SLC30A10: variants seen among roughly 807,000 people sequenced by gnomAD.
SLC30A10 encodes the protein solute carrier family 30 member 10.
In SLC30A10, 8 loss-of-function variants were observed where a neutral mutation model predicts 21.7. The observed-to-expected ratio is 0.37, with a 90% CI of 0.22 to 0.67. SLC30A10 has a LOEUF of 0.67. Ranked by LOEUF, SLC30A10 falls within the 30% of genes least tolerant of loss-of-function variation. The pLI is 0.58. For missense variants in SLC30A10, 521 were observed against 642.5 expected (o/e 0.81, Z 2.04); for synonymous variants, 272 against 279.4 (o/e 0.97, Z 0.26).
At chr1:219,933,201 T>A (rs1221740959), upstream of SLC30A10, among the ~76,000 whole-genome samples, 2 of 152,056 alleles carry the variant, frequency 1.3e-5, no homozygotes, top group Non-Finnish European at 2.9e-5. Context: ...CCCATCAGCC[T>A]GCAGTGTCCT....
At chr1:219,930,338 G>A (rs1230099772), upstream of SLC30A10, among the ~76,000 whole-genome samples, 1 of 152,076 alleles carries the variant, frequency 6.6e-6, no homozygotes, top group Non-Finnish European at 1.5e-5. Context: ...AATTAGCCAG[G>A]CGTGTGTGCC....
At chr1:219,941,485 C>T (rs1025112067) in intron 1 of SLC30A10, among the ~76,000 whole-genome samples, 1 of 150,330 alleles carries the variant, frequency 6.7e-6, no homozygotes, top group African/African-American at 2.5e-5. Context: ...CCTTCCTTCC[C>T]TTCCTTCCTT....
rs987317985 is a variant in SLC30A10, at chr1:219,910,908, T to G, written c.*4541A>C. On this transcript the variant is annotated 3_prime_UTR_variant, in exon 4 of 4. Transcript: ENST00000366926. ...CTGCATTATCTAAACTCCAGATGGG[T>G]AAGAACATGCAGATTACATTGAGGA... is the stretch of plus-strand genomic sequence containing the variant. Among the ~76,000 whole-genome samples the G allele has an allele frequency of 2.6e-5, 4 of 152,150 alleles. No individual in the cohort carries two copies. Among genetic ancestry groups the G allele is most frequent in the Non-Finnish European group, 5.9e-5 (4 of 68,028 alleles).
At chr1:219,943,976 T>G (rs1660151527) in intron 1 of SLC30A10, among the ~76,000 whole-genome samples, 1 of 151,080 alleles carries the variant, frequency 6.6e-6, no homozygotes, top group Admixed American at 6.6e-5. Flanking sequence ...GGTGGGCACC[T>G]GTAGTCCCAG....
At chr1:219,927,145 TACAA>T (rs1659844659) in intron 1 of SLC30A10, 40 bp from the exon 2 acceptor site, 6 of 1,605,688 alleles carry the variant, frequency 3.7e-6, no homozygotes, top group Non-Finnish European at 5.1e-6. Flanking sequence ...GTATAAGTTC[TACAA>T]ACAAACAAAA....
At chr1:219,929,522 A>G (rs568440453), upstream of SLC30A10, among the ~76,000 whole-genome samples, 2 of 134,772 alleles carry the variant, frequency 1.5e-5, no homozygotes, top group East Asian at 4.5e-4. Flanking sequence ...CCAAATAAAG[A>G]CTCTTTTTTT....
At chr1:219,948,394 G>A (rs373556632) in intron 1 of SLC30A10, among the ~76,000 whole-genome samples, 1 of 152,020 alleles carries the variant, frequency 6.6e-6, no homozygotes, top group African/African-American at 2.4e-5. Context: ...AAACAGCATG[G>A]TACTGGTACC....
intron 1 of SLC30A10, among the ~76,000 whole-genome samples, chr1:219,953,620 AAAAG>A (rs1435414772): frequency 2.0e-5 from 3 of 151,696 alleles, no homozygotes; most frequent in Non-Finnish European, 2.9e-5. Flanking sequence ...AAAGAAAAAG[AAAAG>A]AAAGAAAGAA....
intron 3 of SLC30A10, among the ~76,000 whole-genome samples, chr1:219,916,177 A>G (rs1659539530): frequency 6.6e-6 from 1 of 152,222 alleles, no homozygotes; most frequent in Non-Finnish European, 1.5e-5. Context: ...TCTAACAACG[A>G]CAAGAAAAAA....
intron 3 of SLC30A10, among the ~76,000 whole-genome samples, chr1:219,916,970 T>G (rs941921266): frequency 7.1e-6 from 1 of 141,314 alleles, no homozygotes; most frequent in African/African-American, 2.7e-5. Context: ...CTTGTGGGGT[T>G]TTTTTTTTTT....
intron 1 of SLC30A10, among the ~76,000 whole-genome samples, chr1:219,934,602 C>CT (rs1013923302): frequency 6.6e-6 from 1 of 152,062 alleles, no homozygotes; most frequent in Non-Finnish European, 1.5e-5. Flanking sequence ...AGGATGATGC[C>CT]TTTTTTTCTC....
upstream of SLC30A10, among the ~76,000 whole-genome samples, chr1:219,929,451 G>T (rs1453963597): frequency 3.9e-5 from 6 of 152,030 alleles, no homozygotes; most frequent in African/African-American, 1.4e-4. Flanking sequence ...TCACCCCCAC[G>T]TGTCCCTGAC....
At chr1:219,928,579 C>G, upstream of SLC30A10, 5 of 645,342 alleles carry the variant, frequency 7.7e-6, no homozygotes, top group Non-Finnish European at 9.5e-6. The surrounding 1 kb of genome is among the most constrained non-coding windows in gnomAD (Gnocchi z 6.3). Context: ...CCTGCCCCAC[C>G]GCTTTTTATA....
chr1:219,911,025 A>G lies in SLC30A10; in HGVS notation c.*4424T>C, dbSNP rs906688934. 5.9e-5 allele frequency among the ~76,000 whole-genome samples: 9 copies of G among 152,128 alleles called. No individual in the cohort carries two copies. The highest frequency in any genetic ancestry group is 2.2e-4 in the African/African-American group (9 of 41,438). On this transcript the variant is annotated 3_prime_UTR_variant, in exon 4 of 4. Coordinates refer to ENST00000366926, the MANE Select transcript of SLC30A10 (RefSeq NM_018713.3). Reference sequence around the variant, plus strand: ...TGGCTACTCAAGGGTAAATAAACTAAGAAGCACAAATACGTGACACTTTAT... The same window carrying G: ...TGGCTACTCAAGGGTAAATAAACTAGGAAGCACAAATACGTGACACTTTAT...
chr1:219,921,872 A>T (rs984262193), intron 2 of SLC30A10, among the ~76,000 whole-genome samples: 4 of 139,510 alleles, frequency 2.9e-5, no homozygotes, highest in African/African-American at 8.4e-5. Flanking sequence ...GGTGTCTCTG[A>T]GTGTGTGTGT....
chr1:219,912,031 G>T lies in SLC30A10; in HGVS notation c.*3418C>A, dbSNP rs1659425117. On this transcript the variant is annotated 3_prime_UTR_variant, in exon 4 of 4. Coordinates refer to ENST00000366926, the MANE Select transcript of SLC30A10 (RefSeq NM_018713.3). ...AACCCCTGGAGTAAGCCTCACAAAAGCTCTTATGACCTCACAGGGCAGCTG... is the reference window on the plus strand; with the variant it reads ...AACCCCTGGAGTAAGCCTCACAAAATCTCTTATGACCTCACAGGGCAGCTG... 1.3e-5 allele frequency among the ~76,000 whole-genome samples: 2 copies of T among 151,962 alleles called. No individual in the cohort carries two copies. The highest frequency in any genetic ancestry group is 6.6e-5 in the Admixed American group (1 of 15,252).
rs1659596381 is a variant in SLC30A10 at position 219,918,376 on chromosome 1, A to C, written c.837T>G (p.Ile279Met). ...SEDPCNWQCY[I>M]DPSLTVLMVI... Reference sequence around the variant, plus strand: ...CCATGAGGACAGTCAGGCTGGGGTCAATGTAACACTGCCAGTTACACGGGT... The same window carrying C: ...CCATGAGGACAGTCAGGCTGGGGTCCATGTAACACTGCCAGTTACACGGGT... Residue 279 changes from isoleucine to methionine, a missense_variant, in exon 3 of 4, where the codon ATT becomes ATG. Coordinates refer to ENST00000366926, the MANE Select transcript of SLC30A10 (RefSeq NM_018713.3). The surrounding 1 kb of genome is among the most constrained non-coding windows in gnomAD (Gnocchi z 4.4). The C allele has an allele frequency of 1.2e-6, 2 of 1,614,020 alleles. No individual in the cohort carries two copies. Among genetic ancestry groups the C allele is most frequent in the African/African-American group, 2.7e-5 (2 of 74,902 alleles).
intron 1 of SLC30A10, among the ~76,000 whole-genome samples, chr1:219,954,493 A>C (rs984149673): frequency 6.6e-6 from 1 of 152,034 alleles, no homozygotes; most frequent in African/African-American, 2.4e-5. Flanking sequence ...CAGCCTGGCC[A>C]ACATGGTGAC....
At chr1:219,916,175 C>T (rs1264312703) in intron 3 of SLC30A10, among the ~76,000 whole-genome samples, 2 of 152,086 alleles carry the variant, frequency 1.3e-5, no homozygotes, top group Admixed American at 6.6e-5. Context: ...AGTCTAACAA[C>T]GACAAGAAAA....
Sources: gnomAD v4.1 joint callset for allele counts (sites outside exome capture counted in the v4.1 genomes callset) on GRCh38, gnomAD v4.1.1 for gene constraint, Gnocchi (gnomAD v3.1) non-coding constraint, MANE v1.5 for transcripts, NCBI Gene and HGNC (gene_info 2026-07-23, HGNC 2026-07-21) for gene names.